BAALC: variants seen among roughly 807,000 people sequenced by gnomAD.
BAALC encodes the protein brain and acute leukemia cytoplasmic protein.
In BAALC, 9 loss-of-function variants were observed where a neutral mutation model predicts 15.5. The ratio of observed to expected loss-of-function variants is 0.58; its 90% CI spans 0.35 to 1.02. BAALC has a LOEUF of 1.02. Ranked by LOEUF, BAALC falls within the 50% of genes least tolerant of loss-of-function variation. The pLI is 0.02. For synonymous variants in BAALC, 80 were observed against 74.6 expected (o/e 1.07, Z -0.37); for missense variants, 201 against 192.4 (o/e 1.04, Z -0.27).
At chr8:103,142,762 A>G (rs770267500) in intron 1 of BAALC, among the ~76,000 whole-genome samples, 5 of 152,196 alleles carry the variant, frequency 3.3e-5, no homozygotes, top group Non-Finnish European at 5.9e-5. Context: ...ATATGTACAT[A>G]CATGTTCCTC....
chr8:103,146,658 T>A (rs1810887448), intron 1 of BAALC, among the ~76,000 whole-genome samples: 1 of 152,238 alleles, frequency 6.6e-6, no homozygotes, highest in Non-Finnish European at 1.5e-5. Context: ...GAGATGATGT[T>A]CTCTTTCCTC....
intron 1 of BAALC, chr8:103,172,208 G>T (rs1261591422): frequency 6.6e-6 from 1 of 151,706 alleles, no homozygotes; most frequent in Non-Finnish European, 1.5e-5. Context: ...CCTCTTCAAT[G>T]AAAAGAACAT....
At chr8:103,159,292 C>T (rs1811169643) in intron 1 of BAALC, among the ~76,000 whole-genome samples, 1 of 152,136 alleles carries the variant, frequency 6.6e-6, no homozygotes, top group Non-Finnish European at 1.5e-5. Flanking sequence ...CAGCTTTCTA[C>T]CTAATGCTTT....
chr8:103,171,194 GA>G (rs1448858188), intron 1 of BAALC, among the ~76,000 whole-genome samples: 1 of 149,064 alleles, frequency 6.7e-6, no homozygotes, highest in Non-Finnish European at 1.5e-5. Flanking sequence ...GAGAGGGAGG[GA>G]GGAAGGAAAG....
At chr8:103,174,900 C>T (rs1291735264) in intron 1 of BAALC, among the ~76,000 whole-genome samples, 1 of 152,306 alleles carries the variant, frequency 6.6e-6, no homozygotes, top group East Asian at 1.9e-4. Flanking sequence ...TGGAAGGCAG[C>T]CAGCAATCTG....
intron 1 of BAALC, among the ~76,000 whole-genome samples, chr8:103,155,791 C>T (rs1437247700): frequency 6.6e-6 from 1 of 152,186 alleles, no homozygotes; most frequent in Middle Eastern, 3.2e-3. Context: ...AGCTAGAAAA[C>T]CTGCAGTGTC....
chr8:103,207,498 G>A (rs1375745417), intron 1 of BAALC, among the ~76,000 whole-genome samples: 2 of 152,146 alleles, frequency 1.3e-5, no homozygotes, highest in Non-Finnish European at 2.9e-5. Flanking sequence ...GCTTGTTAAT[G>A]TAGATTCCTC....
At chr8:103,169,390 C>A (rs1178835092) in intron 1 of BAALC, among the ~76,000 whole-genome samples, 2 of 152,146 alleles carry the variant, frequency 1.3e-5, no homozygotes, top group African/African-American at 4.8e-5. Context: ...ATGTCCCCCA[C>A]CCCGTCTATT....
At chr8:103,201,459 A>G (rs183655779) in intron 1 of BAALC, among the ~76,000 whole-genome samples, 3 of 152,358 alleles carry the variant, frequency 2.0e-5, no homozygotes, top group African/African-American at 7.2e-5. Flanking sequence ...TGAGATCTAC[A>G]CTGTGTCACA....
chr8:103,174,958 C>A (rs1811575558), intron 1 of BAALC, among the ~76,000 whole-genome samples: 1 of 152,148 alleles, frequency 6.6e-6, no homozygotes, highest in Admixed American at 6.5e-5. Flanking sequence ...AAATGGTAAC[C>A]ACTGCTAAAG....
chr8:103,166,575 A>G (rs1248947413), intron 1 of BAALC, among the ~76,000 whole-genome samples: 1 of 152,174 alleles, frequency 6.6e-6, no homozygotes, highest in Non-Finnish European at 1.5e-5. Context: ...CACAGTCAGC[A>G]TGCTGGGGAA....
chr8:103,222,227 G>GGT (rs1812692392), intron 2 of BAALC, among the ~76,000 whole-genome samples: 1 of 152,042 alleles, frequency 6.6e-6, no homozygotes, highest in Non-Finnish European at 1.5e-5. Context: ...GACTTATAGG[G>GGT]GTGGCTGGCT....
chr8:103,174,965 A>G (rs1811575683), intron 1 of BAALC, among the ~76,000 whole-genome samples: 1 of 152,190 alleles, frequency 6.6e-6, no homozygotes, highest in Non-Finnish European at 1.5e-5. Flanking sequence ...AACCACTGCT[A>G]AAGGGGGCTT....
chr8:103,225,945 C>A (rs1457407783), intron 2 of BAALC, among the ~76,000 whole-genome samples: 1 of 152,154 alleles, frequency 6.6e-6, no homozygotes, highest in East Asian at 1.9e-4. Context: ...CTAATAAATA[C>A]AACAGAACAA....
chr8:103,216,662 G>A (rs762132015), intron 2 of BAALC, among the ~76,000 whole-genome samples: 22 of 152,140 alleles, frequency 1.4e-4, no homozygotes, highest in Non-Finnish European at 2.6e-4. Context: ...TATTTGCAGA[G>A]AGGAGATCTC....
chr8:103,180,281 C>T (rs920588048), intron 1 of BAALC, among the ~76,000 whole-genome samples: 4 of 151,984 alleles, frequency 2.6e-5, no homozygotes, highest in African/African-American at 7.3e-5. Context: ...TGGTGGTGCC[C>T]GTGGTTTACT....
At chr8:103,169,550 T>C (rs926591286) in intron 1 of BAALC, among the ~76,000 whole-genome samples, 8 of 152,170 alleles carry the variant, frequency 5.3e-5, no homozygotes, top group African/African-American at 1.7e-4. Context: ...CACTATAGAG[T>C]ATCTGGCTGG....
chr8:103,164,342 C>T (rs1216885417), intron 1 of BAALC, among the ~76,000 whole-genome samples: 4 of 152,112 alleles, frequency 2.6e-5, no homozygotes, highest in African/African-American at 9.7e-5. Context: ...GAGTGATGAG[C>T]AGGAGTTTGG....
Position 103,212,908 on chromosome 8 carries a change from A to T in BAALC, c.161-11A>T, listed in dbSNP as rs1014062509. On this transcript the variant is annotated splice_polypyrimidine_tract_variant and intron_variant, in intron 1 of 2. Coordinates refer to ENST00000309982, the MANE Select transcript of BAALC (RefSeq NM_024812.3). ...AAGCTTCTGGTTCCATCCTCTGCTT[A>T]CCTCCCCCAGGCATGCTGGAAGATG... 2.5e-6 allele frequency: 4 copies of T among 1,608,204 alleles called. No homozygotes were observed. The highest frequency in any genetic ancestry group is 1.7e-5 in the Admixed American group (1 of 59,632).
Sources: allele counts gnomAD v4.1 joint callset (sites outside exome capture counted in the v4.1 genomes callset), GRCh38; gene constraint gnomAD v4.1.1; transcripts MANE v1.5; gene names NCBI Gene and HGNC (gene_info 2026-07-23, HGNC 2026-07-21).